Variants in SACS observed in about 807,000 individuals in gnomAD.
SACS encodes the protein sacsin.
In SACS, 197 loss-of-function variants were observed where a neutral mutation model predicts 348.0. The ratio of observed to expected loss-of-function variants is 0.57; its 90% confidence interval spans 0.50 to 0.64. SACS has a LOEUF of 0.64. SACS is among the 30% of genes least tolerant of loss of function. SACS has a pLI of 0.00. For missense variants in SACS, 4,999 were observed against 5,360.8 expected, an observed-to-expected ratio of 0.93 and a Z score of 2.11; for synonymous variants, 1,985 against 1,910.6, an observed-to-expected ratio of 1.04 and a Z score of -1.02.
intron 1 of SACS, among the ~76,000 whole-genome samples, chr13:23,413,601 G>C (rs1274399440): frequency 6.6e-6 from 1 of 152,150 alleles, no homozygotes; most frequent in Non-Finnish European, 1.5e-5. Flanking sequence ...AACAACCTAA[G>C]CTATACTGAT....
chr13:23,357,303 T>C (rs1870455397), intron 7 of SACS, among the ~76,000 whole-genome samples: 1 of 152,210 alleles, frequency 6.6e-6, no homozygotes, highest in Non-Finnish European at 1.5e-5. Context: ...TGGACACGAG[T>C]ATTAATATTC....
intron 9 of SACS, among the ~76,000 whole-genome samples, chr13:23,350,418 C>T (rs1266250468): frequency 6.6e-6 from 1 of 152,154 alleles, no homozygotes; most frequent in East Asian, 1.9e-4. Context: ...ATAAAAGGGG[C>T]AGTAGAAGTA....
chr13:23,401,978 G>A (rs1441432436), intron 2 of SACS, among the ~76,000 whole-genome samples: 3 of 152,182 alleles, frequency 2.0e-5, no homozygotes, highest in Non-Finnish European at 4.4e-5. Context: ...AGGAGATTGA[G>A]ACCATCCTGG....
chr13:23,351,718 T>G (rs1255585333), intron 9 of SACS, among the ~76,000 whole-genome samples: 3 of 152,074 alleles, frequency 2.0e-5, no homozygotes, highest in Non-Finnish European at 4.4e-5. Flanking sequence ...ATCATGAAAA[T>G]AGTAGCCTAA....
chr13:23,393,530 G>A (rs952187305), intron 2 of SACS, among the ~76,000 whole-genome samples: 4 of 152,012 alleles, frequency 2.6e-5, no homozygotes, highest in African/African-American at 7.2e-5. Flanking sequence ...CTTCAGCTAC[G>A]TGGACCCCAC....
chr13:23,333,106 T>C lies in SACS; in HGVS notation c.10770A>G (p.Gly3590=). ...GCTGCTGAGAAAGTATGTATTTTAGTCCAATATTTCTTAAGAATTCCACCC... is the reference window on the plus strand; with the variant it reads ...GCTGCTGAGAAAGTATGTATTTTAGCCCAATATTTCTTAAGAATTCCACCC... The part of the protein sequence containing the change: ...TSWVEFLRNI[G]LKYILSQQQL... Residue 3590 remains glycine, a synonymous_variant, in exon 10 of 10, where the codon GGA becomes GGG. Transcript: ENST00000382292. 6.2e-7 allele frequency: 1 copy of C among 1,613,706 alleles called. No homozygotes were observed. The highest frequency in any genetic ancestry group is 8.5e-7 in the Non-Finnish European group (1 of 1,179,736).
intron 9 of SACS, among the ~76,000 whole-genome samples, chr13:23,346,130 G>A (rs994941514): frequency 6.6e-6 from 1 of 152,038 alleles, no homozygotes; most frequent in African/African-American, 2.4e-5. Context: ...TTCCCTCTCT[G>A]TTCTTTTTGT....
At chr13:23,416,982 A>G (rs1450594599) in intron 1 of SACS, among the ~76,000 whole-genome samples, 2 of 152,144 alleles carry the variant, frequency 1.3e-5, no homozygotes, top group Non-Finnish European at 2.9e-5. Context: ...AAATTCATAC[A>G]AACTGACAAT....
chr13:23,384,437 A>C (rs1872189377), intron 2 of SACS, among the ~76,000 whole-genome samples: 1 of 152,314 alleles, frequency 6.6e-6, no homozygotes, highest in East Asian at 1.9e-4. Context: ...CACTATAACC[A>C]CTTACCATCT....
Position 23,331,645 on chromosome 13 carries a change from C to T in SACS, c.12231G>A (p.Lys4077=), listed in dbSNP as rs1355094261. 6.2e-7 allele frequency: 1 copy of T among 1,613,938 alleles called. No individual in the cohort carries two copies. The highest frequency in any genetic ancestry group is 1.1e-5 in the South Asian group (1 of 91,074). ...GCAAGATGACTGCATTACCAAATCGCTTCAAAAAAGCAAAAGTTTCACTTC... is the reference window on the plus strand; with the variant it reads ...GCAAGATGACTGCATTACCAAATCGTTTCAAAAAAGCAAAAGTTTCACTTC... ...HSRSETFAFL[K]RFGNAVILLY... The change falls in exon 10 of 10, where the codon AAG becomes AAA. Residue 4077 remains lysine, a synonymous_variant. Transcript: ENST00000382292.
In SACS at chr13:23,354,547, T is replaced by C. The variant is rs779570261; in HGVS notation, c.2065A>G (p.Ile689Val). The C allele has an allele frequency of 1.2e-6, 2 of 1,614,148 alleles. No homozygotes were observed. The highest frequency in any genetic ancestry group is 1.7e-6 in the Non-Finnish European group (2 of 1,180,002). ...GGATATTCTGCTGAGGTAATATAAA[T>C]GACATCTTGGTCTGATACAGATGAG... ...FSSSVSDQDVIYITSAEYPRS... is the reference protein window; with the variant it reads ...FSSSVSDQDVVYITSAEYPRS... Residue 689 changes from isoleucine (I) to valine (V), a missense_variant, in exon 8 of 10, where the codon ATT (isoleucine) becomes GTT (valine). By Grantham distance (29) the Ile-to-Val change is conservative. Coordinates refer to ENST00000382292, the MANE Select transcript of SACS (RefSeq NM_014363.6).
At chr13:23,377,971 CTT>C (rs1022413015) in intron 2 of SACS, among the ~76,000 whole-genome samples, 2 of 152,192 alleles carry the variant, frequency 1.3e-5, no homozygotes, top group Admixed American at 1.3e-4. Context: ...AATGACAAAA[CTT>C]TTCTTCTCTT....
intron 5 of SACS, 41 bp downstream of exon 5, chr13:23,368,361 T>C: frequency 7.0e-7 from 1 of 1,424,624 alleles, no homozygotes; most frequent in Non-Finnish European, 9.7e-7. Context: ...CATCTCATTT[T>C]TATCAAAGTA....
intron 2 of SACS, among the ~76,000 whole-genome samples, chr13:23,391,655 A>C (rs1236889643): frequency 1.3e-5 from 2 of 152,104 alleles, no homozygotes; most frequent in Non-Finnish European, 2.9e-5. Flanking sequence ...TACTTTCCCC[A>C]AGTTCCAGGA....
At chr13:23,407,834 CGG>C (rs1215995813) in intron 2 of SACS, among the ~76,000 whole-genome samples, 2 of 152,166 alleles carry the variant, frequency 1.3e-5, no homozygotes, top group Non-Finnish European at 2.9e-5. Flanking sequence ...CCCCTGACTC[CGG>C]CTATCTGATC....
rs762070357 is a variant in SACS at position 23,335,588 on chromosome 13, T to C, written c.8288A>G (p.Tyr2763Cys). The C allele has an allele frequency of 5.0e-6, 8 of 1,613,880 alleles. No homozygotes were observed. In the Admixed American group the frequency reaches 1.2e-4, roughly 24 times the overall value. ...ATCTGTGATTTTGCCCTTTACTGAA[T>C]ACAGCACATTTAGAGCTCCAGTACT... ...DKSTGALNVLYSVKGKITDGD... is the reference protein window; with the variant it reads ...DKSTGALNVLCSVKGKITDGD... Residue 2763 changes from tyrosine to cysteine, a missense_variant, in exon 10 of 10, where the codon TAT becomes TGT. Coordinates refer to ENST00000382292, the MANE Select transcript of SACS (RefSeq NM_014363.6). The surrounding 1 kb of genome is among the most constrained non-coding windows in gnomAD (Gnocchi z 4.7).
At position 23,334,096 on chromosome 13, in the gene SACS, ATCT is replaced by A. The variant is rs768958169; in HGVS notation, c.9777_9779del (p.Glu3259del). The stretch of plus-strand genomic sequence containing the variant: ...CAAATGTTGGTTTTGTTTCTTCCTG[ATCT>A]TCTTTCACACTTACAGATTCACTAA... On this transcript the variant is annotated inframe_deletion, in exon 10 of 10. Transcript: ENST00000382292. The A allele has an allele frequency of 2.5e-6, 4 of 1,613,670 alleles. No individual in the cohort carries two copies. Among genetic ancestry groups the A allele is most frequent in the South Asian group, 2.2e-5 (2 of 91,070 alleles).
At chr13:23,402,723 T>C (rs548277166) in intron 2 of SACS, among the ~76,000 whole-genome samples, 17 of 152,330 alleles carry the variant, frequency 1.1e-4, no homozygotes, top group African/African-American at 4.1e-4. Context: ...ACCTTGCTTA[T>C]GGAGTTCCCA....
In SACS at chr13:23,330,679, A is replaced by G. The variant is rs753394576; in HGVS notation, c.13197T>C (p.Thr4399=). 3 of 1,614,060 alleles carry G rather than the reference A, an allele frequency of 1.9e-6. No homozygotes were observed. The highest frequency in any genetic ancestry group is 2.2e-5 in the South Asian group (2 of 91,068). The part of the protein sequence containing the change: ...SDKYSFQRFY[T]SWNQEATSHK... ...GGCTCGTTGCTTCTTGATTCCATGA[A>G]GTATAGAATCTCTGAAATGAGTATT... The change falls in exon 10 of 10, where the codon ACT becomes ACC. Residue 4399 remains threonine (T), a synonymous_variant. Coordinates refer to ENST00000382292, the MANE Select transcript of SACS (RefSeq NM_014363.6).
Sources: allele counts gnomAD v4.1 joint callset (sites outside exome capture counted in the v4.1 genomes callset), GRCh38; gene constraint gnomAD v4.1.1; non-coding constraint Gnocchi (gnomAD v3.1); transcripts MANE v1.5; gene names NCBI Gene and HGNC (gene_info 2026-07-23, HGNC 2026-07-21).